The following OSBPL6 variants were observed in gnomAD, a reference collection of about 807,000 sequenced individuals.
OSBPL6 encodes oxysterol binding protein like 6.
A neutral mutation model predicts 125.8 loss-of-function variants in OSBPL6; 49 were observed. That is an observed-to-expected ratio of 0.39 (90% CI 0.31 to 0.49). The LOEUF is 0.49. Ranked by LOEUF, OSBPL6 falls within the 20% of genes least tolerant of loss-of-function variation. The probability of loss-of-function intolerance (pLI) is 0.88; values close to 1 mark genes in which losing one functional copy is unlikely to be tolerated. For missense variants in OSBPL6, 986 were observed against 1,135.4 expected (o/e 0.87, Z 1.89); for synonymous variants, 394 against 391.8 (o/e 1.01, Z -0.07).
In OSBPL6 at chr2:178,349,217, C is replaced by T. The variant is rs908503749; in HGVS notation, c.988-7C>T. On this transcript the variant is annotated splice_polypyrimidine_tract_variant and splice_region_variant and intron_variant, in intron 11 of 24. Transcript: ENST00000190611. ...GCTGTTTAATAATTTGTATCTTCCC[C>T]TTTCAGGTTCCTTTCAGTGCTACCA... The T allele has an allele frequency of 8.1e-6, 13 of 1,613,564 alleles. No individual in the cohort carries two copies. Among genetic ancestry groups the T allele is most frequent in the African/African-American group, 4.0e-5 (3 of 74,908 alleles).
chr2:178,274,814 G>T (rs150942649), intron 1 of OSBPL6, among the ~76,000 whole-genome samples: 1 of 152,222 alleles, frequency 6.6e-6, no homozygotes, highest in East Asian at 1.9e-4. Flanking sequence ...GTATGTTTCA[G>T]ATATAGGAGT....
Position 178,395,980 on chromosome 2 carries a change from C to G in OSBPL6, c.*421C>G, listed in dbSNP as rs1459323126. 3 of 351,648 alleles carry G rather than the reference C, an allele frequency of 8.5e-6. No homozygotes were observed. Among genetic ancestry groups the G allele is most frequent in the African/African-American group, 6.4e-5 (3 of 46,746 alleles). 21.8% of individuals were successfully genotyped at this position (351,648 alleles called of 1,614,324 possible). Reference sequence around the variant, plus strand: ...AAGCACCATCCCCTATCGCAGGACTCCTGGGCCACAAGCAGTCGGTCAGTG... The same window carrying G: ...AAGCACCATCCCCTATCGCAGGACTGCTGGGCCACAAGCAGTCGGTCAGTG... On this transcript the variant is annotated 3_prime_UTR_variant, in exon 25 of 25. Coordinates refer to ENST00000190611, the MANE Select transcript of OSBPL6 (RefSeq NM_032523.4).
At chr2:178,358,932 A>G (rs1193630863) in intron 12 of OSBPL6, among the ~76,000 whole-genome samples, 3 of 152,186 alleles carry the variant, frequency 2.0e-5, no homozygotes, top group African/African-American at 7.2e-5. Context: ...CTCAATAGGA[A>G]GAAAACGTAT....
chr2:178,357,139 A>G (rs115675837), intron 12 of OSBPL6, among the ~76,000 whole-genome samples: 3,903 of 152,362 alleles, frequency 0.026, 239 homozygotes, highest in East Asian at 0.22. Flanking sequence ...AAAACTCTAG[A>G]AGAAAACCTT....
At position 178,382,485 on chromosome 2, in the gene OSBPL6, T is replaced by G. The variant is rs753058361; in HGVS notation, c.1599T>G (p.Val533=). ...ATATATCTGAAGACAACACCAGTGT[T>G]GCAGACAATATTTCTCGGCAAAGTA... is the stretch of plus-strand genomic sequence containing the variant. ...SDNISEDNTS[V]ADNISRQILN... The change falls in exon 16 of 25, where the codon GTT becomes GTG. Residue 533 remains valine, a synonymous_variant. Transcript: ENST00000190611. 3.1e-6 allele frequency: 5 copies of G among 1,614,052 alleles called. No homozygotes were observed. Among genetic ancestry groups the G allele is most frequent in the Non-Finnish European group, 1.7e-6 (2 of 1,180,042 alleles).
At chr2:178,267,814 T>C (rs1226059603) in intron 1 of OSBPL6, among the ~76,000 whole-genome samples, 6 of 94,764 alleles carry the variant, frequency 6.3e-5, no homozygotes, top group Non-Finnish European at 1.5e-4. Context: ...TGTCAAGTAA[T>C]TGCAAAAAAA....
rs776922818 is a variant in OSBPL6 at position 178,391,227 on chromosome 2, G to A, written c.2446+10G>A. On this transcript the variant is annotated intron_variant, in intron 22 of 24. Coordinates refer to ENST00000190611, the MANE Select transcript of OSBPL6 (RefSeq NM_032523.4). ...TGCATTTGGAGACCAGGTGAGAGTG[G>A]CCTGAGTGTTCTGCCAACAGGAGGG... 1 of 1,587,268 alleles carries A rather than the reference G, an allele frequency of 6.3e-7. No homozygotes were observed. The highest frequency in any genetic ancestry group is 1.2e-5 in the South Asian group (1 of 86,456).
chr2:178,298,527 A>G (rs1354244797), intron 2 of OSBPL6, among the ~76,000 whole-genome samples: 1 of 152,080 alleles, frequency 6.6e-6, no homozygotes, highest in East Asian at 1.9e-4. Context: ...AGGTTCAAGC[A>G]ATTCTCCTGC....
chr2:178,322,107 A>C (rs776892862), intron 3 of OSBPL6, among the ~76,000 whole-genome samples: 23 of 152,124 alleles, frequency 1.5e-4, no homozygotes, highest in Non-Finnish European at 2.5e-4. Context: ...TACCACATTG[A>C]TTTCTATATC....
chr2:178,321,917 A>G (rs936122340), intron 3 of OSBPL6, among the ~76,000 whole-genome samples: 1 of 152,206 alleles, frequency 6.6e-6, no homozygotes, highest in African/African-American at 2.4e-5. Flanking sequence ...TGTAACATCA[A>G]ATGGAGAAGA....
chr2:178,302,934 A>G (rs976265467), intron 2 of OSBPL6, among the ~76,000 whole-genome samples: 16 of 152,186 alleles, frequency 1.1e-4, no homozygotes, highest in African/African-American at 3.6e-4. Context: ...GAAGCACTTG[A>G]ACGCATCACA....
intron 24 of OSBPL6, among the ~76,000 whole-genome samples, chr2:178,394,656 T>C (rs894414982): frequency 4.6e-5 from 7 of 152,018 alleles, no homozygotes; most frequent in Non-Finnish European, 8.8e-5. Flanking sequence ...CAGAAAAGAG[T>C]GAGCATCCTG....
intron 1 of OSBPL6, among the ~76,000 whole-genome samples, chr2:178,272,014 A>G (rs2154025248): frequency 6.6e-6 from 1 of 152,320 alleles, no homozygotes; most frequent in Non-Finnish European, 1.5e-5. Flanking sequence ...CTTTTGTCCA[A>G]GAGTGAATAT....
intron 1 of OSBPL6, among the ~76,000 whole-genome samples, chr2:178,259,876 C>T (rs966565301): frequency 7.9e-5 from 12 of 152,262 alleles, no homozygotes; most frequent in African/African-American, 2.4e-4. Context: ...TGGCTTTACT[C>T]CCTTTGCCGC....
intron 17 of OSBPL6, 89 bp from the exon 18 acceptor site, chr2:178,383,950 G>A: frequency 2.1e-6 from 3 of 1,416,414 alleles, no homozygotes; most frequent in Non-Finnish European, 2.0e-6. Flanking sequence ...CCATCCACAT[G>A]AGGTGTGTAA....
chr2:178,245,815 G>A (rs372429192), intron 1 of OSBPL6, among the ~76,000 whole-genome samples: 37 of 152,162 alleles, frequency 2.4e-4, no homozygotes, highest in African/African-American at 7.0e-4. Flanking sequence ...GTGTACAGCT[G>A]GGAAGTGGCA....
In OSBPL6 at chr2:178,347,461, C is replaced by T. The variant is rs184707601; in HGVS notation, c.988-1763C>T. ...TCTCTCCCCATGACATCCTAATCTC[C>T]AGCAACTTTTCCATGGAGTCTGTGT... On this transcript the variant is annotated intron_variant, in intron 11 of 24. Coordinates refer to ENST00000190611, the MANE Select transcript of OSBPL6 (RefSeq NM_032523.4). Among the ~76,000 whole-genome samples the T allele has an allele frequency of 1.8e-4, 28 of 152,288 alleles. No homozygotes were observed. The East Asian group carries it at 5.4e-3, about 29-fold the overall frequency.
At chr2:178,326,014 T>C (rs1323247967) in intron 4 of OSBPL6, among the ~76,000 whole-genome samples, 1 of 152,102 alleles carries the variant, frequency 6.6e-6, no homozygotes, top group Non-Finnish European at 1.5e-5. Flanking sequence ...CCTCATGAAA[T>C]CAGAGGGCCA....
chr2:178,354,577 G>C (rs189539776), intron 12 of OSBPL6, among the ~76,000 whole-genome samples: 1 of 152,254 alleles, frequency 6.6e-6, no homozygotes, highest in Non-Finnish European at 1.5e-5. Context: ...GGAGCACCCA[G>C]GTTCACAAGG....
Sources: gnomAD v4.1 joint callset for allele counts (sites outside exome capture counted in the v4.1 genomes callset) on GRCh38, gnomAD v4.1.1 for gene constraint, MANE v1.5 for transcripts, NCBI Gene and HGNC (gene_info 2026-07-23, HGNC 2026-07-21) for gene names.